COL7A1: variants seen among roughly 807,000 people sequenced by gnomAD.
COL7A1 encodes collagen type VII alpha 1 chain, also known as collagen alpha-1(VII) chain.
A neutral mutation model predicts 456.2 loss-of-function variants in COL7A1; 296 were observed. The ratio of observed to expected loss-of-function variants is 0.65; its 90% CI spans 0.59 to 0.71. The LOEUF is 0.71. Ranked by LOEUF, COL7A1 falls within the 30% of genes least tolerant of loss-of-function variation. The pLI is 0.00. For missense variants in COL7A1, 3,441 were observed against 4,017.2 expected (o/e 0.86, Z 3.88); for synonymous variants, 1,464 against 1,525.9 (o/e 0.96, Z 0.95).
Position 48,575,324 on chromosome 3 carries a change from A to C in COL7A1, c.6180+15T>G. ...CCCCTCTTCCCTCACTCTCCTGGCC[A>C]GCCCCCAGCCTCACCCTCTCTCCTG... On this transcript the variant is annotated intron_variant, in intron 74 of 118. Coordinates refer to ENST00000681320, the MANE Select transcript of COL7A1 (RefSeq NM_000094.4). This position sits in a 1 kb window ranked among gnomAD's most constrained non-coding sequence, Gnocchi z 6.3. The C allele has an allele frequency of 9.5e-7, 1 of 1,057,766 alleles. No homozygotes were observed. 65.5% of individuals were successfully genotyped at this position (1,057,766 alleles called of 1,614,324 possible). A position where few individuals can be genotyped will look rare whatever the true frequency, so the allele number is the denominator to read the frequency against.
At position 48,581,968 on chromosome 3, in the gene COL7A1, G is replaced by A; in HGVS notation, c.4636-25C>T. 1.2e-6 allele frequency: 2 copies of A among 1,613,970 alleles called. No individual in the cohort carries two copies. Among genetic ancestry groups the A allele is most frequent in the Non-Finnish European group, 1.7e-6 (2 of 1,180,032 alleles). On this transcript the variant is annotated intron_variant, in intron 47 of 118. Transcript: ENST00000681320. This position sits in a 1 kb window ranked among gnomAD's most constrained non-coding sequence, Gnocchi z 5.8. ...CCTGAAAACAAACAGGACAGATACA[G>A]CTTGGCCCTGCCTTGGGGTTGTATG...
Position 48,566,970 on chromosome 3 carries a change from A to G in COL7A1, c.8163T>C (p.Ala2721=). 2 of 1,611,956 alleles carry G rather than the reference A, an allele frequency of 1.2e-6. No homozygotes were observed. The highest frequency in any genetic ancestry group is 1.7e-6 in the Non-Finnish European group (2 of 1,178,424). ...FPGPSGNDGS[A]GPPGPPGSVG... ...CACTGCCAGGTGGCCCTGGGGGACC[A>G]GCAGAGCCATCATTTCCACTGGGGC... is the stretch of plus-strand genomic sequence containing the variant. The change falls in exon 111 of 119, where the codon GCT becomes GCC. Residue 2721 remains alanine (A), a synonymous_variant. Transcript: ENST00000681320. The surrounding 1 kb of genome is among the most constrained non-coding windows in gnomAD (Gnocchi z 5.9).
rs756152741 is a variant in COL7A1, at chr3:48,587,548, G to C, written c.2864C>G (p.Pro955Arg). ...SAEVTARTESPRVPSIELRVV... is the reference protein window; with the variant it reads ...SAEVTARTESRRVPSIELRVV... ...ACGTAGTTCAATGCTTGGAACACGA[G>C]GTGACTCTGAAGGAGGAATGAAAGA... Residue 955 changes from proline to arginine, a missense_variant, in exon 23 of 119, where the codon CCT (proline) becomes CGT (arginine). Around this residue, in one of 3 missense-constraint regions of COL7A1, gnomAD observed 444 missense variants for 427.6 expected, o/e 1.04. Transcript: ENST00000681320. This position sits in a 1 kb window ranked among gnomAD's most constrained non-coding sequence, Gnocchi z 6.1. 1 of 1,613,574 alleles carries C rather than the reference G, an allele frequency of 6.2e-7. No homozygotes were observed. The highest frequency in any genetic ancestry group is 1.7e-5 in the Admixed American group (1 of 60,018).
rs752610466 is a variant in COL7A1 at position 48,567,549 on chromosome 3, T to C, written c.8046+25A>G. Reference sequence around the variant, plus strand: ...CCTGCCCCATCCTGACTCCCTGTCATGTCCACTGTCCACAGACCCTGTACC... The same window carrying C: ...CCTGCCCCATCCTGACTCCCTGTCACGTCCACTGTCCACAGACCCTGTACC... On this transcript the variant is annotated intron_variant, in intron 109 of 118. Coordinates refer to ENST00000681320, the MANE Select transcript of COL7A1 (RefSeq NM_000094.4). The surrounding 1 kb of genome is among the most constrained non-coding windows in gnomAD (Gnocchi z 4.3). The C allele has an allele frequency of 3.1e-6, 5 of 1,614,102 alleles. No individual in the cohort carries two copies. Among genetic ancestry groups the C allele is most frequent in the Middle Eastern group, 1.6e-4 (1 of 6,062 alleles).
At position 48,593,125 on chromosome 3, in the gene COL7A1, C is replaced by T. The variant is rs2045830018; in HGVS notation, c.659G>A (p.Gly220Asp). ...ACGAGGTCGGGTCACAGGCACGCCACCAGCAGTCGTGCACACTCTCCGGGA... is the reference window on the plus strand; with the variant it reads ...ACGAGGTCGGGTCACAGGCACGCCATCAGCAGTCGTGCACACTCTCCGGGA... The part of the protein sequence containing the change: ...LVSRRVCTTA[G>D]GVPVTRPPDD... The change falls in exon 6 of 119, where the codon GGT (glycine) becomes GAT (aspartate). Residue 220 changes from glycine (G) to aspartate (D), a missense_variant. Gly to Asp is a moderately conservative substitution (Grantham distance 94). Coordinates refer to ENST00000681320, the MANE Select transcript of COL7A1 (RefSeq NM_000094.4). The surrounding 1 kb of genome is among the most constrained non-coding windows in gnomAD (Gnocchi z 4.4). 2 of 1,613,966 alleles carry T rather than the reference C, an allele frequency of 1.2e-6. No individual in the cohort carries two copies. The highest frequency in any genetic ancestry group is 1.3e-5 in the African/African-American group (1 of 74,898).
intron 37 of COL7A1, 47 bp from the exon 38 acceptor site, chr3:48,584,108 C>T: frequency 2.5e-6 from 4 of 1,614,114 alleles, no homozygotes; most frequent in Non-Finnish European, 2.5e-6. Context: ...CACCTCACTC[C>T]CAAAGATACC....
chr3:48,571,145 C>G lies in COL7A1; in HGVS notation c.7120G>C (p.Gly2374Arg), dbSNP rs181430415. 1 of 1,614,018 alleles carries G rather than the reference C, an allele frequency of 6.2e-7. No homozygotes were observed. Among genetic ancestry groups the G allele is most frequent in the South Asian group, 1.1e-5 (1 of 91,086 alleles). Residue 2374 changes from glycine to arginine, a missense_variant, in exon 94 of 119, where the codon GGG becomes CGG. Gly to Arg is a moderately radical substitution (Grantham distance 125). Coordinates refer to ENST00000681320, the MANE Select transcript of COL7A1 (RefSeq NM_000094.4). The surrounding 1 kb of genome is among the most constrained non-coding windows in gnomAD (Gnocchi z 4.6). ...PKGFKGDPGV[G>R]VPGSPGPPGP... ...GGAGGCCCAGGGGAGCCCGGGACCC[C>G]GACTCCTGGGTCACCCTTTGAGGAA...
intron 47 of COL7A1, among the ~76,000 whole-genome samples, 153 bp downstream of exon 47, chr3:48,582,170 T>G (rs905846173): frequency 1.3e-5 from 2 of 151,722 alleles, no homozygotes; most frequent in Non-Finnish European, 2.9e-5. Flanking sequence ...TAGCCAAGAG[T>G]CTGGGGGCAG....
Position 48,585,770 on chromosome 3 carries a change from C to A in COL7A1, c.3787-36G>T. ...TAATCAGTGAGACCTGTGCTGCCAA[C>A]CTCTCCTGCCCCACTGACACTCAAC... On this transcript the variant is annotated intron_variant, in intron 30 of 118. Transcript: ENST00000681320. The surrounding 1 kb of genome is among the most constrained non-coding windows in gnomAD (Gnocchi z 4.5). 1.2e-6 allele frequency: 2 copies of A among 1,614,020 alleles called. No individual in the cohort carries two copies. The highest frequency in any genetic ancestry group is 1.7e-6 in the Non-Finnish European group (2 of 1,180,002).
rs1222340910 is a variant in COL7A1 at position 48,571,537 on chromosome 3, G to A, written c.7069-259C>T. 3.9e-5 allele frequency: 27 copies of A among 698,990 alleles called. No individual in the cohort carries two copies. The highest frequency in any genetic ancestry group is 4.6e-4 in the Middle Eastern group (2 of 4,304). 43.3% of individuals were successfully genotyped at this position (698,990 alleles called of 1,614,324 possible). The stretch of plus-strand genomic sequence containing the variant: ...GCACAGGCACAGGGAGCCCACACGC[G>A]AGTGCAGACATCTGGCTCCACAGAC... On this transcript the variant is annotated intron_variant, in intron 92 of 118. Transcript: ENST00000681320. This position sits in a 1 kb window ranked among gnomAD's most constrained non-coding sequence, Gnocchi z 4.6.
chr3:48,593,800 G>C lies in COL7A1; in HGVS notation c.267-104C>G. On this transcript the variant is annotated intron_variant, in intron 3 of 118. Transcript: ENST00000681320. The surrounding 1 kb of genome is among the most constrained non-coding windows in gnomAD (Gnocchi z 4.4). ...AGGGTTACGGGTATCAGGCTCTCTT[G>C]AGGGGTCCCTTCGTTCTGTCATTCT... 1 of 1,386,470 alleles carries C rather than the reference G, an allele frequency of 7.2e-7. No homozygotes were observed. The highest frequency in any genetic ancestry group is 2.3e-5 in the East Asian group (1 of 43,578). 85.9% of individuals were successfully genotyped at this position (1,386,470 alleles called of 1,614,324 possible).
chr3:48,576,812 GA>G (rs762467298), intron 67 of COL7A1, 41 bp from the exon 68 acceptor site: 14 of 1,613,964 alleles, frequency 8.7e-6, no homozygotes, highest in Non-Finnish European at 1.2e-5. Flanking sequence ...TGAGACCTCA[GA>G]AAAGAGTGGA....
Position 48,568,971 on chromosome 3 carries a change from G to A in COL7A1, c.7687-116C>T. 2 of 991,412 alleles carry A rather than the reference G, an allele frequency of 2.0e-6. No homozygotes were observed. Among genetic ancestry groups the A allele is most frequent in the Non-Finnish European group, 3.1e-6 (2 of 647,406 alleles). The allele number at this position is 991,412 out of a possible 1,614,324, so 61.4% of individuals were successfully genotyped here. ...AAGTCACTCCCGAACGGCCCTAGCA[G>A]CACGTCCTCCCAGCCTGTGCCATAG... is the stretch of plus-strand genomic sequence containing the variant. On this transcript the variant is annotated intron_variant, in intron 103 of 118. Transcript: ENST00000681320. This position sits in a 1 kb window ranked among gnomAD's most constrained non-coding sequence, Gnocchi z 5.2.
chr3:48,566,087 G>A lies in COL7A1; in HGVS notation c.8407+180C>T, dbSNP rs1458967243. On this transcript the variant is annotated intron_variant, in intron 114 of 118. Coordinates refer to ENST00000681320, the MANE Select transcript of COL7A1 (RefSeq NM_000094.4). The surrounding 1 kb of genome is among the most constrained non-coding windows in gnomAD (Gnocchi z 5.9). ...ACTGCATGGCAATCCTCATCTGCCT[G>A]TGTGTCTCCCTCCACTGGGGACACA... is the stretch of plus-strand genomic sequence containing the variant. 2.0e-5 allele frequency among the ~76,000 whole-genome samples: 3 copies of A among 152,176 alleles called. No homozygotes were observed. The highest frequency in any genetic ancestry group is 1.3e-4 in the Admixed American group (2 of 15,280).
chr3:48,585,370 G>A lies in COL7A1; in HGVS notation c.3894+187C>T, dbSNP rs2045166263. Among the ~76,000 whole-genome samples the A allele has an allele frequency of 6.6e-6, 1 of 152,204 alleles. No homozygotes were observed. Among genetic ancestry groups the A allele is most frequent in the Non-Finnish European group, 1.5e-5 (1 of 68,024 alleles). ...GCTGCTGCTCAGGCTCTGCAGCGGG[G>A]CTAGAGGCCCCACTGGCCCTTCTAT... On this transcript the variant is annotated intron_variant, in intron 32 of 118. Transcript: ENST00000681320. The surrounding 1 kb of genome is among the most constrained non-coding windows in gnomAD (Gnocchi z 4.5).
Position 48,587,496 on chromosome 3 carries a change from C to A in COL7A1, c.2916G>T (p.Val972=). 1 of 1,613,354 alleles carries A rather than the reference C, an allele frequency of 6.2e-7. No individual in the cohort carries two copies. The highest frequency in any genetic ancestry group is 1.1e-5 in the South Asian group (1 of 91,064). The change falls in exon 23 of 119, where the codon GTG becomes GTT. Residue 972 remains valine, a synonymous_variant. Coordinates refer to ENST00000681320, the MANE Select transcript of COL7A1 (RefSeq NM_000094.4). This position sits in a 1 kb window ranked among gnomAD's most constrained non-coding sequence, Gnocchi z 6.1. ...TGGACACTGGAGTCCAGGCCAAAGTCACCGAGTCGATCGAGGTGTCCACCA... is the reference window on the plus strand; with the variant it reads ...TGGACACTGGAGTCCAGGCCAAAGTAACCGAGTCGATCGAGGTGTCCACCA... ...LRVVDTSIDS[V]TLAWTPVSRA...
Position 48,568,104 on chromosome 3 carries a change from G to A in COL7A1, c.7861C>T (p.Pro2621Ser). ...TTCTTTCCTACCTTGAGGCCCCGGGGACCCATGAAGCCAACATCTCCTTTT... is the reference window on the plus strand; with the variant it reads ...TTCTTTCCTACCTTGAGGCCCCGGGAACCCATGAAGCCAACATCTCCTTTT... ...GEKGDVGFMG[P>S]RGLKGERGVK... The change falls in exon 106 of 119, where the codon CCC becomes TCC. Residue 2621 changes from proline (P) to serine (S), a missense_variant. Physicochemically the swap from Pro to Ser is moderately conservative, Grantham distance 74. This residue lies in a region of COL7A1 where 2,084 missense variants were observed against 2,501.3 expected (regional missense o/e 0.83). Coordinates refer to ENST00000681320, the MANE Select transcript of COL7A1 (RefSeq NM_000094.4). This position sits in a 1 kb window ranked among gnomAD's most constrained non-coding sequence, Gnocchi z 5.2. 6.2e-7 allele frequency: 1 copy of A among 1,614,166 alleles called. No individual in the cohort carries two copies. The highest frequency in any genetic ancestry group is 8.5e-7 in the Non-Finnish European group (1 of 1,180,042).
chr3:48,564,873 C>T lies in COL7A1; in HGVS notation c.8728G>A (p.Gly2910Ser), dbSNP rs774083280. Residue 2910 changes from glycine (G) to serine (S), a missense_variant, in exon 118 of 119, where the codon GGT becomes AGT. By Grantham distance (56) the Gly-to-Ser change is moderately conservative. Coordinates refer to ENST00000681320, the MANE Select transcript of COL7A1 (RefSeq NM_000094.4). The surrounding 1 kb of genome is among the most constrained non-coding windows in gnomAD (Gnocchi z 6.0). The part of the protein sequence containing the change: ...STEACHPFVY[G>S]GCGGNANRFG... ...CGGTTGGCATTCCCTCCACAGCCAC[C>T]ATAGACAAAAGGGTGACAGGCCTCT... 6.2e-7 allele frequency: 1 copy of T among 1,614,094 alleles called. No individual in the cohort carries two copies. The highest frequency in any genetic ancestry group is 1.3e-5 in the African/African-American group (1 of 74,936).
chr3:48,588,366 C>G lies in COL7A1; in HGVS notation c.2626G>C (p.Val876Leu). Residue 876 changes from valine (V) to leucine (L), a missense_variant, in exon 21 of 119, where the codon GTG becomes CTG. By Grantham distance (32) the Val-to-Leu change is conservative. Transcript: ENST00000681320. The surrounding 1 kb of genome is among the most constrained non-coding windows in gnomAD (Gnocchi z 4.6). ...APPALGTLHVVQRGEHSLRLR... is the reference protein window; with the variant it reads ...APPALGTLHVLQRGEHSLRLR... Reference sequence around the variant, plus strand: ...CTCAGCGAGTGCTCCCCGCGCTGCACCACGTGAAGCGTCCCCAGGGCTGGC... The same window carrying G: ...CTCAGCGAGTGCTCCCCGCGCTGCAGCACGTGAAGCGTCCCCAGGGCTGGC... 1.2e-6 allele frequency: 2 copies of G among 1,612,232 alleles called. No homozygotes were observed. Among genetic ancestry groups the G allele is most frequent in the South Asian group, 2.2e-5 (2 of 91,058 alleles).
Sources: gnomAD v4.1 joint callset for allele counts (sites outside exome capture counted in the v4.1 genomes callset) on GRCh38, gnomAD v4.1.1 for gene constraint, gnomAD v4.1.1 regional missense constraint, Gnocchi (gnomAD v3.1) non-coding constraint, MANE v1.5 for transcripts, NCBI Gene and HGNC (gene_info 2026-07-23, HGNC 2026-07-21) for gene names.